The following LCOR variants were observed in gnomAD, a reference collection of about 807,000 sequenced individuals.
LCOR encodes ligand dependent nuclear receptor corepressor.
LCOR carries 14 observed loss-of-function variants against 64.4 expected under a neutral mutation model. The ratio of observed to expected loss-of-function variants is 0.22; its 90% CI spans 0.14 to 0.34. LCOR has a LOEUF of 0.34. Ranked by LOEUF, LCOR falls within the 10% of genes least tolerant of loss-of-function variation. The pLI is 1.00. For synonymous variants in LCOR, 643 were observed against 642.5 expected (o/e 1.00, Z -0.01); for missense variants, 1,686 against 1,765.3 (o/e 0.96, Z 0.80).
intron 4 of LCOR, among the ~76,000 whole-genome samples, chr10:96,908,777 G>A (rs560183565): frequency 6.6e-6 from 1 of 151,202 alleles, no homozygotes; most frequent in East Asian, 1.9e-4. Flanking sequence ...GTGCAGTGGC[G>A]CGATCTCTGC....
At chr10:96,943,377 A>G (rs368575051) in intron 4 of LCOR, among the ~76,000 whole-genome samples, 13 of 152,344 alleles carry the variant, frequency 8.5e-5, no homozygotes, top group African/African-American at 2.9e-4. Context: ...GATTACAGGC[A>G]TGAGCCACCT....
intron 4 of LCOR, among the ~76,000 whole-genome samples, chr10:96,925,067 T>A (rs1847144453): frequency 6.6e-6 from 1 of 151,758 alleles, no homozygotes; most frequent in South Asian, 2.1e-4. Context: ...ATTTATTTAT[T>A]TTCATTTTTA....
intron 7 of LCOR, chr10:96,956,070 G>C: frequency 1.4e-6 from 2 of 1,442,908 alleles, no homozygotes; most frequent in South Asian, 3.0e-5. Context: ...GAGATGAAAT[G>C]TGCATTCTGA....
intron 7 of LCOR, 23 bp downstream of exon 7, chr10:96,952,219 T>G: frequency 1.3e-6 from 2 of 1,507,776 alleles, no homozygotes; most frequent in Non-Finnish European, 1.8e-6. Flanking sequence ...ATTTGTAGCC[T>G]TACACAGTTT....
intron 4 of LCOR, among the ~76,000 whole-genome samples, chr10:96,931,660 A>G (rs1023907432): frequency 2.0e-5 from 3 of 152,184 alleles, no homozygotes; most frequent in East Asian, 3.8e-4. Flanking sequence ...ACCAGAGAAC[A>G]TAACAACCTG....
Position 96,847,614 on chromosome 10 carries a change from T to A in LCOR, c.-330+14135T>A, listed in dbSNP as rs570141713. On this transcript the variant is annotated intron_variant, in intron 2 of 7. Transcript: ENST00000421806. The stretch of plus-strand genomic sequence containing the variant: ...GTGCCACCACGCCTGGCTAATTTTG[T>A]ATTTTTAGTAGAGACAGGGTTTCTC... Among the ~76,000 whole-genome samples, 21 of 152,264 alleles carry A rather than the reference T, an allele frequency of 1.4e-4. 1 individual carries two copies. Among genetic ancestry groups the A allele is most frequent in the African/African-American group, 4.8e-4 (20 of 41,550 alleles).
intron 2 of LCOR, among the ~76,000 whole-genome samples, chr10:96,840,228 C>T (rs1000387663): frequency 5.3e-5 from 8 of 152,128 alleles, no homozygotes; most frequent in Admixed American, 4.6e-4. Flanking sequence ...GTGGCATCTT[C>T]TAATGATTTT....
chr10:96,931,873 C>T (rs1847266994), intron 4 of LCOR, among the ~76,000 whole-genome samples: 1 of 152,014 alleles, frequency 6.6e-6, no homozygotes, highest in Non-Finnish European at 1.5e-5. Context: ...CATTAAAGTC[C>T]ACTTGGGTAA....
chr10:96,978,279 T>C (rs1848054313), intron 7 of LCOR, among the ~76,000 whole-genome samples: 1 of 152,242 alleles, frequency 6.6e-6, no homozygotes, highest in Non-Finnish European at 1.5e-5. Context: ...AGGGTGTCAC[T>C]GATGTCTTGC....
chr10:96,985,117 C>T lies in LCOR; in HGVS notation c.4657C>T (p.Arg1553Trp), dbSNP rs777507760. The T allele has an allele frequency of 3.1e-6, 5 of 1,596,708 alleles. No homozygotes were observed. The highest frequency in any genetic ancestry group is 1.4e-5 in the African/African-American group (1 of 74,050). The change falls in exon 8 of 8, where the codon CGG (arginine) becomes TGG (tryptophan). Residue 1553 changes from arginine to tryptophan, a missense_variant. Arg to Trp is a moderately radical substitution (Grantham distance 101). This residue lies in a region of LCOR where 1,293 missense variants were observed against 1,410.4 expected (regional missense o/e 0.92). Transcript: ENST00000421806. Reference protein sequence around the residue: ...KLDCSHSKRRRLDAK With the variant: ...KLDCSHSKRRWLDAK ...GGACTGTTCGCACAGCAAACGGAGG[C>T]GGCTGGATGCAAAGTGATTGGAAAG...
rs950265749 is a variant in LCOR, at chr10:96,994,513, C to G, written c.*9379C>G. On this transcript the variant is annotated 3_prime_UTR_variant, in exon 8 of 8. Coordinates refer to ENST00000421806, the MANE Select transcript of LCOR (RefSeq NM_001346516.2). ...TTTAGGCTTTTGGAATATGTCTTCT[C>G]TTTTGTATTTATGATGGTGTTTGGA... 2.6e-5 allele frequency: 4 copies of G among 152,170 alleles called. No individual in the cohort carries two copies. Among genetic ancestry groups the G allele is most frequent in the African/African-American group, 9.7e-5 (4 of 41,430 alleles). The allele number at this position is 152,170 out of a possible 1,614,324, so 9.4% of individuals were successfully genotyped here. A position where few individuals can be genotyped will look rare whatever the true frequency, so the allele number is the denominator to read the frequency against.
chr10:96,868,164 G>A (rs1846007299), intron 2 of LCOR, among the ~76,000 whole-genome samples: 1 of 152,118 alleles, frequency 6.6e-6, no homozygotes, highest in Non-Finnish European at 1.5e-5. Flanking sequence ...GATTACAGGC[G>A]TGAGCCACCG....
chr10:96,868,292 T>G (rs1846011915), intron 2 of LCOR, among the ~76,000 whole-genome samples: 1 of 150,798 alleles, frequency 6.6e-6, no homozygotes, highest in Non-Finnish European at 1.5e-5. Flanking sequence ...TTTTTTTTTT[T>G]GAGATGGAGT....
chr10:96,832,306 G>A lies in LCOR; in HGVS notation c.-497G>A. 1.0e-6 allele frequency: 1 copy of A among 982,738 alleles called. No homozygotes were observed. Among genetic ancestry groups the A allele is most frequent in the African/African-American group, 1.8e-5 (1 of 57,060 alleles). The allele number at this position is 982,738 out of a possible 1,614,324, so 60.9% of individuals were successfully genotyped here. On this transcript the variant is annotated 5_prime_UTR_variant, in exon 1 of 8. Coordinates refer to ENST00000421806, the MANE Select transcript of LCOR (RefSeq NM_001346516.2). ...TGGGCCGGGCGGGCGGCAGAAGATGGCGAGGGTGTGTAGGCGGCAGCAATG... is the reference window on the plus strand; with the variant it reads ...TGGGCCGGGCGGGCGGCAGAAGATGACGAGGGTGTGTAGGCGGCAGCAATG...
chr10:96,867,485 T>G (rs1845994068), intron 2 of LCOR, among the ~76,000 whole-genome samples: 2 of 152,154 alleles, frequency 1.3e-5, no homozygotes, highest in African/African-American at 2.4e-5. Context: ...TAGTCCCAGC[T>G]ACTCAGAAGA....
In LCOR at chr10:96,981,589, T is replaced by C; in HGVS notation, c.1129T>C (p.Leu377=). 1 of 1,614,230 alleles carries C rather than the reference T, an allele frequency of 6.2e-7. No homozygotes were observed. Among genetic ancestry groups the C allele is most frequent in the Non-Finnish European group, 8.5e-7 (1 of 1,180,042 alleles). The change falls in exon 8 of 8, where the codon TTG becomes CTG. Residue 377 remains leucine (L), a synonymous_variant. Coordinates refer to ENST00000421806, the MANE Select transcript of LCOR (RefSeq NM_001346516.2). The part of the protein sequence containing the change: ...ENTLQCPKTP[L]RQDLEANEQD... ...TACTTTACAGTGTCCAAAAACACCT[T>C]TGCGCCAGGATTTAGAGGCAAATGA...
intron 1 of LCOR, 128 bp from the exon 2 acceptor site, chr10:96,833,277 CT>C (rs968141159): frequency 1.3e-5 from 12 of 953,130 alleles, no homozygotes; most frequent in Non-Finnish European, 1.5e-5. Context: ...CCTCCCGGAC[CT>C]TGGGCCGCCC....
chr10:96,894,466 GGCATTGAAAAGGA>G (rs1482188998), intron 2 of LCOR, among the ~76,000 whole-genome samples: 20 of 152,180 alleles, frequency 1.3e-4, no homozygotes, highest in Non-Finnish European at 2.9e-5. Context: ...GTTATTGAAA[GGCATTGAAAAGGA>G]GTGTTGAAAA....
At chr10:96,881,142 T>C (rs547334617) in intron 2 of LCOR, among the ~76,000 whole-genome samples, 3 of 152,290 alleles carry the variant, frequency 2.0e-5, no homozygotes, top group East Asian at 3.9e-4. Context: ...ATCTGGCCTT[T>C]TACAGAAAAG....
Sources: allele counts gnomAD v4.1 joint callset (sites outside exome capture counted in the v4.1 genomes callset), GRCh38; gene constraint gnomAD v4.1.1; regional missense constraint gnomAD v4.1.1; transcripts MANE v1.5; gene names NCBI Gene and HGNC (gene_info 2026-07-23, HGNC 2026-07-21).